Variants in RBM19 observed in about 807,000 individuals in gnomAD.
RBM19 encodes RNA binding motif protein 19.
In RBM19, 94 loss-of-function variants were observed where a neutral mutation model predicts 116.8. The ratio of observed to expected loss-of-function variants is 0.80; its 90% CI spans 0.68 to 0.95. RBM19 has a LOEUF of 0.95. RBM19 is among the 40% of genes least tolerant of loss of function. The pLI is 0.00. For synonymous variants in RBM19, 475 were observed against 494.1 expected (o/e 0.96, Z 0.51); for missense variants, 1,161 against 1,220.7 (o/e 0.95, Z 0.73).
intron 16 of RBM19, chr12:113,932,741 C>G (rs913678893): frequency 1.3e-5 from 2 of 152,174 alleles, no homozygotes; most frequent in African/African-American, 4.8e-5. Flanking sequence ...TATTGTGAAA[C>G]TCAAACAGAT....
At chr12:113,843,509 G>A (rs1481604993) in intron 23 of RBM19, among the ~76,000 whole-genome samples, 1 of 152,238 alleles carries the variant, frequency 6.6e-6, no homozygotes, top group Non-Finnish European at 1.5e-5. Context: ...TTCTGGGCAT[G>A]CAAAAGGCAG....
intron 23 of RBM19, among the ~76,000 whole-genome samples, chr12:113,842,945 G>A (rs1208589913): frequency 1.3e-5 from 2 of 152,242 alleles, no homozygotes; most frequent in Admixed American, 6.5e-5. Flanking sequence ...AGTCTGGGAA[G>A]ACCACAGTGT....
intron 21 of RBM19, among the ~76,000 whole-genome samples, chr12:113,871,631 T>C (rs958655722): frequency 2.6e-5 from 4 of 152,200 alleles, no homozygotes; most frequent in Admixed American, 2.6e-4. Context: ...ATCCCTTGAT[T>C]ACACAAAAAG....
chr12:113,954,400 G>C (rs1230082265), intron 7 of RBM19, among the ~76,000 whole-genome samples: 1 of 152,182 alleles, frequency 6.6e-6, no homozygotes, highest in Non-Finnish European at 1.5e-5. Context: ...TCACTGGGTA[G>C]ATACAAGTGT....
intron 21 of RBM19, among the ~76,000 whole-genome samples, chr12:113,907,170 G>T (rs1388862097): frequency 6.6e-6 from 1 of 152,196 alleles, no homozygotes; most frequent in East Asian, 1.9e-4. Flanking sequence ...GGCAGCCACA[G>T]AAACTGGTAC....
intron 16 of RBM19, among the ~76,000 whole-genome samples, chr12:113,934,832 T>C (rs1337415390): frequency 2.0e-5 from 3 of 148,066 alleles, no homozygotes; most frequent in East Asian, 2.0e-4. Context: ...GCTTCTACTG[T>C]GTGCCAGAGC....
intron 21 of RBM19, among the ~76,000 whole-genome samples, chr12:113,866,203 T>C (rs1878796906): frequency 6.6e-6 from 1 of 152,178 alleles, no homozygotes. Flanking sequence ...CTACTGCTCA[T>C]CATGGTGAGA....
At chr12:113,893,180 T>G (rs961407232) in intron 21 of RBM19, among the ~76,000 whole-genome samples, 4 of 152,096 alleles carry the variant, frequency 2.6e-5, no homozygotes, top group African/African-American at 9.7e-5. Flanking sequence ...TACAGACACA[T>G]GCCACCATAC....
intron 21 of RBM19, among the ~76,000 whole-genome samples, chr12:113,866,431 T>TA (rs1399856454): frequency 2.6e-4 from 40 of 152,288 alleles, no homozygotes; most frequent in African/African-American, 9.4e-4. Context: ...GATGAGCACT[T>TA]AAATGGTATT....
intron 22 of RBM19, among the ~76,000 whole-genome samples, chr12:113,849,593 A>G (rs1877288038): frequency 6.6e-6 from 1 of 152,170 alleles, no homozygotes; most frequent in African/African-American, 2.4e-5. Flanking sequence ...TCTGCTCCCA[A>G]CATGCCTGGC....
chr12:113,854,372 G>C (rs897254177), intron 22 of RBM19, among the ~76,000 whole-genome samples: 1 of 152,072 alleles, frequency 6.6e-6, no homozygotes, highest in East Asian at 1.9e-4. Flanking sequence ...ACTGACAGCC[G>C]TGCACACGGT....
At chr12:113,918,589 C>T in intron 19 of RBM19, 142 bp from the exon 20 acceptor site, 1 of 802,856 alleles carries the variant, frequency 1.2e-6, no homozygotes, top group Non-Finnish European at 2.0e-6. Context: ...GTCTAGAGGA[C>T]AGAGGATGGT....
At chr12:113,840,014 G>T (rs1252422857) in intron 23 of RBM19, among the ~76,000 whole-genome samples, 2 of 151,912 alleles carry the variant, frequency 1.3e-5, no homozygotes, top group Non-Finnish European at 2.9e-5. Context: ...CAATTACCAG[G>T]CATTCCCAGT....
intron 22 of RBM19, among the ~76,000 whole-genome samples, chr12:113,857,262 T>C (rs1409442022): frequency 6.6e-6 from 1 of 152,232 alleles, no homozygotes; most frequent in East Asian, 1.9e-4. Context: ...AGGGTGGCTC[T>C]GAAGGGAACC....
At chr12:113,889,186 CT>C (rs1390428519) in intron 21 of RBM19, among the ~76,000 whole-genome samples, 1 of 152,240 alleles carries the variant, frequency 6.6e-6, no homozygotes, top group Non-Finnish European at 1.5e-5. Context: ...AGAAGCACCC[CT>C]GGCTTCCATC....
At chr12:113,905,164 C>A (rs151141101) in intron 21 of RBM19, among the ~76,000 whole-genome samples, 7 of 152,320 alleles carry the variant, frequency 4.6e-5, no homozygotes, top group African/African-American at 1.7e-4. Context: ...CCAACCCCAG[C>A]CAGGCAATCA....
chr12:113,874,148 A>G (rs192522566), intron 21 of RBM19, among the ~76,000 whole-genome samples: 6 of 152,244 alleles, frequency 3.9e-5, no homozygotes, highest in Non-Finnish European at 7.4e-5. Flanking sequence ...TCTATTGCAC[A>G]TTTTTTCCCC....
downstream of RBM19, among the ~76,000 whole-genome samples, chr12:113,819,137 A>G (rs11066770): frequency 0.11 from 17,375 of 152,216 alleles, 1,101 homozygotes; most frequent in South Asian, 0.24. Flanking sequence ...AGCGGGTGGG[A>G]GACGGACGTG....
chr12:113,938,551 G>A (rs1017347563), intron 15 of RBM19, among the ~76,000 whole-genome samples: 1 of 152,188 alleles, frequency 6.6e-6, no homozygotes, highest in African/African-American at 2.4e-5. Flanking sequence ...GAAAATACTT[G>A]TAGTGGCACC....
Sources: allele counts gnomAD v4.1 joint callset (sites outside exome capture counted in the v4.1 genomes callset), GRCh38; gene constraint gnomAD v4.1.1; transcripts MANE v1.5; gene names NCBI Gene and HGNC (gene_info 2026-07-23, HGNC 2026-07-21).